HDAC9: variants seen among roughly 807,000 people sequenced by gnomAD.
HDAC9 encodes the protein histone deacetylase 9.
Under a neutral mutation model 139.4 loss-of-function variants are expected in HDAC9, and 41 were observed. The ratio of observed to expected loss-of-function variants is 0.29; its 90% CI spans 0.23 to 0.38. The LOEUF (loss-of-function observed/expected upper bound fraction) is 0.38, where lower values mean the gene tolerates loss of function less well. HDAC9 is among the 10% of genes least tolerant of loss of function. The probability of loss-of-function intolerance (pLI) is 1.00; values close to 1 mark genes in which losing one functional copy is unlikely to be tolerated. For missense variants in HDAC9, 1,147 were observed against 1,297.0 expected, an observed-to-expected ratio of 0.88 and a Z score of 1.78; for synonymous variants, 517 against 476.2, an observed-to-expected ratio of 1.09 and a Z score of -1.12.
At chr7:18,356,266 C>T (rs1783261267) in intron 1 of HDAC9, among the ~76,000 whole-genome samples, 1 of 148,976 alleles carries the variant, frequency 6.7e-6, no homozygotes, top group Admixed American at 6.8e-5. Flanking sequence ...ATACATTTGG[C>T]AAAGACAAAT....
At chr7:18,807,044 A>C (rs1026013577) in intron 17 of HDAC9, among the ~76,000 whole-genome samples, 9 of 152,100 alleles carry the variant, frequency 5.9e-5, no homozygotes, top group Admixed American at 5.2e-4. Context: ...TAATTCTTTA[A>C]ATGTTTGGTA....
At chr7:18,383,038 T>G (rs1208400470) in intron 1 of HDAC9, among the ~76,000 whole-genome samples, 1 of 152,222 alleles carries the variant, frequency 6.6e-6, no homozygotes, top group Non-Finnish European at 1.5e-5. Flanking sequence ...TTTTCATACT[T>G]TTAAAATAAA....
chr7:18,343,900 A>G (rs1344469008), intron 1 of HDAC9, among the ~76,000 whole-genome samples: 1 of 151,920 alleles, frequency 6.6e-6, no homozygotes, highest in Admixed American at 6.6e-5. Flanking sequence ...GATACCCACT[A>G]AAGTAATACA....
intron 23 of HDAC9, among the ~76,000 whole-genome samples, chr7:18,941,423 G>C (rs903305469): frequency 2.0e-5 from 3 of 152,156 alleles, no homozygotes; most frequent in African/African-American, 7.2e-5. Context: ...ATTGACTCTA[G>C]TAAGTGTTGA....
At position 19,001,619 on chromosome 7, in the gene HDAC9, G is replaced by A. The variant is rs1407283180; in HGVS notation, c.*5557G>A. The A allele has an allele frequency of 6.6e-6, 1 of 151,342 alleles. No homozygotes were observed. The highest frequency in any genetic ancestry group is 1.5e-5 in the Non-Finnish European group (1 of 67,858). The allele number at this position is 151,342 out of a possible 1,614,324, so 9.4% of individuals were successfully genotyped here. On this transcript the variant is annotated 3_prime_UTR_variant, in exon 26 of 26. Coordinates refer to ENST00000686413, the MANE Select transcript of HDAC9 (RefSeq NM_178425.4). ...GAATGGCACTTCCTTGGGTATGTAA[G>A]GGTTGTTTTTAGATAAAACTCCCGA...
intron 12 of HDAC9, among the ~76,000 whole-genome samples, chr7:18,676,524 G>A (rs965374397): frequency 6.6e-6 from 1 of 151,654 alleles, no homozygotes; most frequent in African/African-American, 2.4e-5. Context: ...TATATTTTTA[G>A]CATCTTAGAT....
intron 1 of HDAC9, among the ~76,000 whole-genome samples, chr7:18,382,814 A>G (rs1047662105): frequency 6.6e-6 from 1 of 152,246 alleles, no homozygotes; most frequent in African/African-American, 2.4e-5. Context: ...TCATGATAGC[A>G]ACAAAAAACA....
At chr7:18,521,548 T>G (rs1243878146) in intron 2 of HDAC9, among the ~76,000 whole-genome samples, 2 of 152,144 alleles carry the variant, frequency 1.3e-5, no homozygotes, top group South Asian at 4.1e-4. Context: ...ATTAAAAAAT[T>G]GCTATCTATT....
intron 25 of HDAC9, among the ~76,000 whole-genome samples, chr7:18,981,240 C>T (rs1295321299): frequency 1.3e-5 from 2 of 152,148 alleles, no homozygotes; most frequent in Non-Finnish European, 2.9e-5. Flanking sequence ...TCAGGACTAT[C>T]CTCCAACCAG....
intron 1 of HDAC9, chr7:18,151,805 G>T (rs1786802356): frequency 6.6e-6 from 1 of 152,178 alleles, no homozygotes; most frequent in African/African-American, 2.4e-5. Context: ...AATTTTGACA[G>T]TGGAAATGTT....
At chr7:18,442,820 A>G (rs544116996) in intron 1 of HDAC9, among the ~76,000 whole-genome samples, 4 of 151,992 alleles carry the variant, frequency 2.6e-5, no homozygotes, top group Non-Finnish European at 4.4e-5. Flanking sequence ...TGGTTTGTCT[A>G]CCTCCCCAGA....
chr7:18,336,073 A>G (rs1181070358), intron 1 of HDAC9, among the ~76,000 whole-genome samples: 1 of 151,636 alleles, frequency 6.6e-6, no homozygotes, highest in East Asian at 1.9e-4. Flanking sequence ...TACCTTCTCT[A>G]GTCAGAATGG....
At chr7:18,155,459 C>T (rs1584366057) in intron 1 of HDAC9, among the ~76,000 whole-genome samples, 2 of 152,262 alleles carry the variant, frequency 1.3e-5, no homozygotes, top group Middle Eastern at 6.8e-3. Context: ...CAATATCCAG[C>T]AGACCATTCC....
intron 1 of HDAC9, among the ~76,000 whole-genome samples, chr7:18,458,186 T>C (rs1191065450): frequency 6.6e-6 from 1 of 152,218 alleles, no homozygotes; most frequent in Non-Finnish European, 1.5e-5. Context: ...GCCAGGGTGC[T>C]GGTAATTAAA....
intron 12 of HDAC9, among the ~76,000 whole-genome samples, chr7:18,707,403 G>A (rs1784011695): frequency 1.3e-5 from 2 of 152,168 alleles, no homozygotes; most frequent in South Asian, 4.1e-4. Flanking sequence ...ATCTTCAGGA[G>A]GAATGCTTAT....
At chr7:18,195,666 C>T (rs539295680) in intron 2 of HDAC9, among the ~76,000 whole-genome samples, 28 of 152,298 alleles carry the variant, frequency 1.8e-4, no homozygotes, top group African/African-American at 6.5e-4. Context: ...CTCAGCCCTA[C>T]TCAAGTCATG....
At chr7:18,356,364 T>TTTTTTG (rs1783287706) in intron 1 of HDAC9, among the ~76,000 whole-genome samples, 1 of 139,610 alleles carries the variant, frequency 7.2e-6, no homozygotes, top group Non-Finnish European at 1.5e-5. Context: ...ATAGGTTTTT[T>TTTTTTG]TTTTTTTTTT....
chr7:18,665,666 C>G (rs1220036549), intron 11 of HDAC9, among the ~76,000 whole-genome samples: 1 of 151,830 alleles, frequency 6.6e-6, no homozygotes, highest in Admixed American at 6.6e-5. Flanking sequence ...ATAAATATTT[C>G]TAGTTCTTAC....
Position 18,924,152 on chromosome 7 carries a change from A to G in HDAC9, c.2804-11657A>G, listed in dbSNP as rs559432724. Reference sequence around the variant, plus strand: ...AAAAAGGAAGGAAAAAAAAAAAACTATCCTAACTATCCTATTGGGCTTATT... The same window carrying G: ...AAAAAGGAAGGAAAAAAAAAAAACTGTCCTAACTATCCTATTGGGCTTATT... On this transcript the variant is annotated intron_variant, in intron 22 of 25. Coordinates refer to ENST00000686413, the MANE Select transcript of HDAC9 (RefSeq NM_178425.4). 4.0e-5 allele frequency among the ~76,000 whole-genome samples: 6 copies of G among 151,798 alleles called. No homozygotes were observed. The South Asian group carries it at 1.2e-3, about 31-fold the overall frequency.
Sources: allele counts gnomAD v4.1 joint callset (sites outside exome capture counted in the v4.1 genomes callset), GRCh38; gene constraint gnomAD v4.1.1; transcripts MANE v1.5; gene names NCBI Gene and HGNC (gene_info 2026-07-23, HGNC 2026-07-21).